TRAF3: variants seen among roughly 807,000 people sequenced by gnomAD.
TRAF3 encodes TNF receptor associated factor 3, also known as TNF receptor-associated factor 3.
In TRAF3, 13 loss-of-function variants were observed where a neutral mutation model predicts 62.3. The observed-to-expected ratio is 0.21, with a 90% CI of 0.14 to 0.33. The LOEUF is 0.33. TRAF3 is among the 10% of genes least tolerant of loss of function. The pLI is 1.00. For synonymous variants in TRAF3, 269 were observed against 283.4 expected, an observed-to-expected ratio of 0.95 and a Z score of 0.51; for missense variants, 440 against 741.8, an observed-to-expected ratio of 0.59 and a Z score of 4.73.
intron 2 of TRAF3, among the ~76,000 whole-genome samples, chr14:102,853,837 T>TAAAA (rs35601098): frequency 7.5e-6 from 1 of 133,324 alleles, no homozygotes; most frequent in African/African-American, 2.8e-5. Flanking sequence ...AGACTCCGTC[T>TAAAA]AAAAAAAAAA....
At chr14:102,890,912 C>T (rs72704727) in intron 8 of TRAF3, among the ~76,000 whole-genome samples, 37,877 of 152,054 alleles carry the variant, frequency 0.25, 5,567 homozygotes, top group African/African-American at 0.39. Context: ...GGCAGTATCT[C>T]GCTACAACTA....
At chr14:102,782,768 A>C (rs1349091186) in intron 1 of TRAF3, among the ~76,000 whole-genome samples, 3 of 152,176 alleles carry the variant, frequency 2.0e-5, no homozygotes, top group Non-Finnish European at 2.9e-5. Context: ...TCTACCAAGA[A>C]AGATATGGCG....
At chr14:102,806,684 A>G (rs1314330092) in intron 1 of TRAF3, among the ~76,000 whole-genome samples, 1 of 152,148 alleles carries the variant, frequency 6.6e-6, no homozygotes, top group South Asian at 2.1e-4. Flanking sequence ...TCTAAGGCAG[A>G]CCTTGAAGAC....
At chr14:102,884,345 C>T (rs1889239803) in intron 6 of TRAF3, among the ~76,000 whole-genome samples, 1 of 152,170 alleles carries the variant, frequency 6.6e-6, no homozygotes, top group African/African-American at 2.4e-5. Flanking sequence ...TAACTGACGC[C>T]ATCTTCAGAA....
chr14:102,898,758 A>G (rs1188182440), intron 10 of TRAF3, among the ~76,000 whole-genome samples: 1 of 152,218 alleles, frequency 6.6e-6, no homozygotes, highest in East Asian at 1.9e-4. Flanking sequence ...CTCCCCTTCC[A>G]GTCAGGTGTT....
At chr14:102,820,146 A>G (rs1338908282) in intron 1 of TRAF3, among the ~76,000 whole-genome samples, 2 of 152,058 alleles carry the variant, frequency 1.3e-5, no homozygotes, top group African/African-American at 2.4e-5. Context: ...CGTCCTCTAC[A>G]GGTGCGGTTT....
chr14:102,818,708 A>G (rs1303605105), intron 1 of TRAF3, among the ~76,000 whole-genome samples: 1 of 152,194 alleles, frequency 6.6e-6, no homozygotes, highest in Admixed American at 6.5e-5. Context: ...AAATAAGACC[A>G]TGTGGTATCC....
intron 2 of TRAF3, among the ~76,000 whole-genome samples, chr14:102,853,108 G>A (rs1188296634): frequency 6.6e-6 from 1 of 151,992 alleles, no homozygotes; most frequent in Non-Finnish European, 1.5e-5. Flanking sequence ...TGCCATGTTG[G>A]CCAGGCTGGT....
chr14:102,846,638 T>TAAAAAAAA lies in TRAF3; in HGVS notation c.-18+16187_-18+16194dup, dbSNP rs752922791. Among the ~76,000 whole-genome samples, 156 of 71,732 alleles carry TAAAAAAAA rather than the reference T, an allele frequency of 2.2e-3. 4 individuals are homozygous for TAAAAAAAA. Among genetic ancestry groups the TAAAAAAAA allele is most frequent in the African/African-American group, 4.5e-3 (71 of 15,912 alleles). The allele number at this position is 71,732 out of a possible 152,430, so 47.1% of individuals were successfully genotyped here. A position where few individuals can be genotyped will look rare whatever the true frequency, so the allele number is the denominator to read the frequency against. The stretch of plus-strand genomic sequence containing the variant: ...GGCAACACAGGGAGATCCAGCTTCT[T>TAAAAAAAA]AAAAAAAAAAAAAAAAAAAAAAAAA... On this transcript the variant is annotated intron_variant, in intron 2 of 11. Transcript: ENST00000392745.
intron 2 of TRAF3, among the ~76,000 whole-genome samples, chr14:102,866,892 C>CACAG (rs1491199272): frequency 0.025 from 3,616 of 146,548 alleles, 194 homozygotes; most frequent in African/African-American, 0.081. Flanking sequence ...CACACACACA[C>CACAG]AAAACAATGA....
At chr14:102,893,020 G>C (rs1017334094) in intron 9 of TRAF3, among the ~76,000 whole-genome samples, 1 of 152,046 alleles carries the variant, frequency 6.6e-6, no homozygotes, top group Non-Finnish European at 1.5e-5. Flanking sequence ...TAAAATTATA[G>C]GCATAGATCA....
Position 102,859,395 on chromosome 14 carries a change from A to G in TRAF3, c.-17-10790A>G, listed in dbSNP as rs149424464. Among the ~76,000 whole-genome samples, 6 of 152,346 alleles carry G rather than the reference A, an allele frequency of 3.9e-5. No homozygotes were observed. In the East Asian group the frequency reaches 1.2e-3, roughly 29 times the overall value. ...ATGTACTAGGTATGGAGCCTAGGAC[A>G]CCAGGCAGAAGTGCAGATAAGGTCT... On this transcript the variant is annotated intron_variant, in intron 2 of 11. Coordinates refer to ENST00000392745, the MANE Select transcript of TRAF3 (RefSeq NM_145725.3).
intron 10 of TRAF3, among the ~76,000 whole-genome samples, chr14:102,901,856 G>A (rs185187668): frequency 6.6e-6 from 1 of 152,338 alleles, no homozygotes; most frequent in Admixed American, 6.5e-5. Flanking sequence ...GTGAATTCAG[G>A]GGGCCCTGGG....
chr14:102,800,338 G>A (rs1479968133), intron 1 of TRAF3, among the ~76,000 whole-genome samples: 1 of 152,226 alleles, frequency 6.6e-6, no homozygotes, highest in Non-Finnish European at 1.5e-5. Flanking sequence ...CTCTCAGAGA[G>A]GCTGTTAGGT....
intron 4 of TRAF3, 63 bp downstream of exon 4, chr14:102,872,031 T>C: frequency 6.4e-7 from 1 of 1,557,974 alleles, no homozygotes; most frequent in Admixed American, 1.7e-5. Flanking sequence ...ACTTTTCACA[T>C]AGTTTGCATT....
At chr14:102,849,498 T>C (rs930149169) in intron 2 of TRAF3, among the ~76,000 whole-genome samples, 3 of 152,264 alleles carry the variant, frequency 2.0e-5, no homozygotes, top group Non-Finnish European at 1.5e-5. Flanking sequence ...CAAGGGATAC[T>C]GACAATGCTG....
intron 1 of TRAF3, among the ~76,000 whole-genome samples, chr14:102,785,429 CTTAAT>C (rs753964645): frequency 5.9e-5 from 9 of 152,212 alleles, no homozygotes; most frequent in Non-Finnish European, 7.3e-5. Context: ...TCCTTTCTCT[CTTAAT>C]TTACATTTAA....
At chr14:102,855,300 A>G (rs1239852877) in intron 2 of TRAF3, among the ~76,000 whole-genome samples, 3 of 152,146 alleles carry the variant, frequency 2.0e-5, no homozygotes, top group Admixed American at 2.0e-4. Context: ...ATGTGTATAC[A>G]TGTGTTTCTT....
chr14:102,824,842 A>C (rs1900203697), intron 1 of TRAF3, among the ~76,000 whole-genome samples: 1 of 152,214 alleles, frequency 6.6e-6, no homozygotes, highest in South Asian at 2.1e-4. Flanking sequence ...TTAAGGTTGA[A>C]AATATTACTG....
Sources: allele counts gnomAD v4.1 joint callset (sites outside exome capture counted in the v4.1 genomes callset), GRCh38; gene constraint gnomAD v4.1.1; transcripts MANE v1.5; gene names NCBI Gene and HGNC (gene_info 2026-07-23, HGNC 2026-07-21).